Variants in RIMS2 observed in about 807,000 individuals in gnomAD.
RIMS2 encodes regulating synaptic membrane exocytosis 2.
RIMS2 carries 59 observed loss-of-function variants against 174.4 expected under a neutral mutation model. That is an observed-to-expected ratio of 0.34 (90% CI 0.27 to 0.42). The LOEUF is 0.42. RIMS2 is among the 10% of genes least tolerant of loss of function. The pLI is 1.00. For missense variants in RIMS2, 1,620 were observed against 1,666.3 expected (o/e 0.97, Z 0.48); for synonymous variants, 606 against 572.5 (o/e 1.06, Z -0.84).
At chr8:104,132,814 GT>G (rs2098483853) in intron 19 of RIMS2, among the ~76,000 whole-genome samples, 1 of 152,170 alleles carries the variant, frequency 6.6e-6, no homozygotes. Flanking sequence ...CACGTGGCAT[GT>G]AGTTTGTATT....
chr8:104,149,704 G>T (rs1356097474), intron 19 of RIMS2, among the ~76,000 whole-genome samples: 1 of 152,146 alleles, frequency 6.6e-6, no homozygotes, highest in African/African-American at 2.4e-5. Context: ...AATCTAATTT[G>T]TGTTTGACTA....
At chr8:103,696,743 G>T (rs900519875) in intron 1 of RIMS2, among the ~76,000 whole-genome samples, 15 of 151,514 alleles carry the variant, frequency 9.9e-5, no homozygotes, top group African/African-American at 3.6e-4. Context: ...TGTGCCTGTA[G>T]TCCTAGCTAT....
chr8:104,145,937 A>C (rs1656696020), intron 19 of RIMS2, among the ~76,000 whole-genome samples: 2 of 151,900 alleles, frequency 1.3e-5, no homozygotes, highest in African/African-American at 4.8e-5. Flanking sequence ...CCAGTGAAGA[A>C]AGAAAAGGAA....
chr8:103,900,298 A>G lies in RIMS2; in HGVS notation c.1625-9836A>G, dbSNP rs148607798. On this transcript the variant is annotated intron_variant, in intron 4 of 23. Coordinates refer to ENST00000504942, the Ensembl canonical transcript of RIMS2. ...GAGTGCAATGGTGTGATCTCAGCTC[A>G]CTACAGTCTCCACCTCCTGGGTTCA... is the stretch of plus-strand genomic sequence containing the variant. Among the ~76,000 whole-genome samples, 39 of 151,748 alleles carry G rather than the reference A, an allele frequency of 2.6e-4. 2 individuals carry two copies. The highest frequency in any genetic ancestry group is 8.5e-4 in the African/African-American group (35 of 41,084).
intron 2 of RIMS2, among the ~76,000 whole-genome samples, chr8:103,727,625 G>A (rs1347036141): frequency 6.6e-6 from 1 of 152,172 alleles, no homozygotes; most frequent in Non-Finnish European, 1.5e-5. Context: ...TTTGGCAAGA[G>A]ATTGGGATCT....
rs1381513481 is a variant in RIMS2, at chr8:103,757,601, G to A, written c.388-8626G>A. Among the ~76,000 whole-genome samples the A allele has an allele frequency of 5.9e-5, 9 of 152,230 alleles. No individual in the cohort carries two copies. In the East Asian group the frequency reaches 1.7e-3, roughly 29 times the overall value. On this transcript the variant is annotated intron_variant, in intron 2 of 23. Transcript: ENST00000504942. ...AAATGGCCCCTCTAAAGATAACCAT[G>A]TCTTAATTCCTGAAACCTATGAATG... is the stretch of plus-strand genomic sequence containing the variant.
At chr8:103,780,280 A>G (rs1254471051) in intron 3 of RIMS2, among the ~76,000 whole-genome samples, 18 of 152,034 alleles carry the variant, frequency 1.2e-4, no homozygotes, top group Non-Finnish European at 2.6e-4. Context: ...CTGGATATTT[A>G]TGTATTTCTC....
intron 3 of RIMS2, among the ~76,000 whole-genome samples, chr8:103,861,129 C>G (rs990850343): frequency 6.8e-6 from 1 of 148,098 alleles, no homozygotes; most frequent in Admixed American, 6.8e-5. Context: ...CACCCCCCTC[C>G]TAAGCCCCCC....
chr8:104,243,127 G>A (rs887674046), intron 19 of RIMS2, among the ~76,000 whole-genome samples: 3 of 152,068 alleles, frequency 2.0e-5, no homozygotes, highest in African/African-American at 7.2e-5. Flanking sequence ...GGGATGTTTT[G>A]TATCTTGTTA....
chr8:103,828,275 C>A (rs907013788), intron 3 of RIMS2, among the ~76,000 whole-genome samples: 9 of 152,012 alleles, frequency 5.9e-5, no homozygotes, highest in Admixed American at 2.0e-4. Context: ...GTTATTTATC[C>A]CTTAAATATT....
intron 19 of RIMS2, among the ~76,000 whole-genome samples, chr8:104,194,544 C>G (rs1422726763): frequency 2.0e-5 from 3 of 152,082 alleles, no homozygotes; most frequent in African/African-American, 7.2e-5. Flanking sequence ...AACAATCTTG[C>G]TCTTGAAGTT....
intron 19 of RIMS2, among the ~76,000 whole-genome samples, chr8:104,210,037 G>A (rs531903198): frequency 6.6e-6 from 1 of 152,128 alleles, no homozygotes; most frequent in South Asian, 2.1e-4. Flanking sequence ...AAAGATTCAG[G>A]CAAATTATGA....
chr8:103,705,882 G>A (rs1247555747), intron 2 of RIMS2, among the ~76,000 whole-genome samples: 1 of 151,150 alleles, frequency 6.6e-6, no homozygotes, highest in African/African-American at 2.4e-5. Context: ...TCAAGTGGGG[G>A]ATTTAGGCAA....
rs534692879 is a variant in RIMS2, at chr8:103,770,491, G to A, written c.698+3954G>A. 2.0e-5 allele frequency among the ~76,000 whole-genome samples: 3 copies of A among 152,186 alleles called. No homozygotes were observed. The South Asian group carries it at 6.2e-4, about 32-fold the overall frequency. On this transcript the variant is annotated intron_variant, in intron 3 of 23. Transcript: ENST00000504942. Reference sequence around the variant, plus strand: ...CTTGGGAGGCTGAGGTAGCAGAATCGCTTGAACCTGGAAGCTGGAGGTTGC... The same window carrying A: ...CTTGGGAGGCTGAGGTAGCAGAATCACTTGAACCTGGAAGCTGGAGGTTGC...
chr8:103,622,364 C>G (rs921079900), intron 1 of RIMS2, among the ~76,000 whole-genome samples: 9 of 151,850 alleles, frequency 5.9e-5, no homozygotes, highest in Non-Finnish European at 8.8e-5. Flanking sequence ...AAGATTACCT[C>G]TAAGTGTTTT....
intron 2 of RIMS2, among the ~76,000 whole-genome samples, chr8:103,715,460 C>T (rs1248689432): frequency 1.3e-5 from 2 of 152,100 alleles, no homozygotes; most frequent in Non-Finnish European, 2.9e-5. Flanking sequence ...TCCTCTGAGT[C>T]ACAAATGTTG....
chr8:103,706,940 C>CAAAAATA (rs2097238335), intron 2 of RIMS2, among the ~76,000 whole-genome samples: 2 of 152,080 alleles, frequency 1.3e-5, no homozygotes, highest in African/African-American at 4.8e-5. Context: ...CCCTTGTAGC[C>CAAAAATA]TGTTTTCTAG....
intron 4 of RIMS2, among the ~76,000 whole-genome samples, chr8:103,892,460 T>C (rs2099252205): frequency 6.6e-6 from 1 of 151,970 alleles, no homozygotes; most frequent in African/African-American, 2.4e-5. Flanking sequence ...TGCCTCAGCC[T>C]CCCAAAGTGC....
intron 15 of RIMS2, among the ~76,000 whole-genome samples, chr8:103,971,788 CT>C (rs1402916235): frequency 6.6e-6 from 1 of 152,152 alleles, no homozygotes; most frequent in Non-Finnish European, 1.5e-5. Flanking sequence ...CCAGTCTGGT[CT>C]TGAACTCCTG....
Sources: gnomAD v4.1 joint callset for allele counts (sites outside exome capture counted in the v4.1 genomes callset) on GRCh38, gnomAD v4.1.1 for gene constraint, MANE v1.5 for transcripts, NCBI Gene and HGNC (gene_info 2026-07-23, HGNC 2026-07-21) for gene names.